The following IGDCC4 variants were observed in gnomAD, a reference collection of about 807,000 sequenced individuals.
IGDCC4 encodes immunoglobulin superfamily DCC subclass member 4, also known as likely ortholog of mouse neighbor of Punc E11.
In IGDCC4, 72 loss-of-function variants were observed where a neutral mutation model predicts 116.6. That is an observed-to-expected ratio of 0.62 (90% CI 0.51 to 0.75). The LOEUF is 0.75. Ranked by LOEUF, IGDCC4 falls within the 30% of genes least tolerant of loss-of-function variation. The probability of loss-of-function intolerance (pLI) is 0.00; values close to 1 mark genes in which losing one functional copy is unlikely to be tolerated. For synonymous variants in IGDCC4, 709 were observed against 719.9 expected (o/e 0.98, Z 0.24); for missense variants, 1,501 against 1,662.4 (o/e 0.90, Z 1.69).
intron 8 of IGDCC4, 58 bp from the exon 9 acceptor site, chr15:65,394,606 G>C: frequency 6.6e-7 from 1 of 1,518,044 alleles, no homozygotes; most frequent in Non-Finnish European, 8.9e-7. Context: ...GGTGAGGCTC[G>C]GGAGCGGTCA....
chr15:65,420,236 C>T lies in IGDCC4; in HGVS notation c.70+2557G>A, dbSNP rs547242637. 3.3e-5 allele frequency among the ~76,000 whole-genome samples: 5 copies of T among 152,300 alleles called. No individual in the cohort carries two copies. In the East Asian group the frequency reaches 7.7e-4, roughly 23 times the overall value. On this transcript the variant is annotated intron_variant, in intron 1 of 19. Coordinates refer to ENST00000352385, the MANE Select transcript of IGDCC4 (RefSeq NM_020962.3). ...TGCTGGGATTACAGGCGTGAGCCAC[C>T]GCACCCGGCCTATTTCTTACTTTCC... is the stretch of plus-strand genomic sequence containing the variant.
chr15:65,382,954 C>T lies in IGDCC4; in HGVS notation c.*1055G>A, dbSNP rs2091414846. The T allele has an allele frequency of 6.6e-6, 1 of 152,272 alleles. No homozygotes were observed. Among genetic ancestry groups the T allele is most frequent in the Non-Finnish European group, 1.5e-5 (1 of 68,050 alleles). 9.4% of individuals were successfully genotyped at this position (152,272 alleles called of 1,614,324 possible). On this transcript the variant is annotated 3_prime_UTR_variant, in exon 20 of 20. Coordinates refer to ENST00000352385, the MANE Select transcript of IGDCC4 (RefSeq NM_020962.3). ...AAACATTCCCCTCTATGACTTGGAT[C>T]CATCCATGGAGAACCCTTGGATCCC...
intron 3 of IGDCC4, among the ~76,000 whole-genome samples, chr15:65,409,748 T>A (rs139111745): frequency 2.6e-5 from 4 of 152,212 alleles, no homozygotes; most frequent in African/African-American, 9.7e-5. Context: ...AGAGAAGTTA[T>A]GCATCTAGAG....
intron 8 of IGDCC4, 33 bp from the exon 9 acceptor site, chr15:65,394,581 TC>T: frequency 1.9e-6 from 3 of 1,554,480 alleles, no homozygotes; most frequent in Non-Finnish European, 2.6e-6. Flanking sequence ...TGAGCTCTGC[TC>T]CACCGACGTG....
chr15:65,404,835 G>A (rs2063025102), intron 3 of IGDCC4, among the ~76,000 whole-genome samples: 1 of 152,180 alleles, frequency 6.6e-6, no homozygotes, highest in South Asian at 2.1e-4. Flanking sequence ...AGGATTGCTT[G>A]AGGCCAGGAG....
chr15:65,386,230 C>T (rs2091457208), intron 17 of IGDCC4, among the ~76,000 whole-genome samples, 171 bp from the exon 18 acceptor site: 1 of 152,236 alleles, frequency 6.6e-6, no homozygotes, highest in Non-Finnish European at 1.5e-5. Context: ...CAGCCTGATG[C>T]TGTAAACAGG....
At position 65,392,212 on chromosome 15, in the gene IGDCC4, C is replaced by A; in HGVS notation, c.2044G>T (p.Gly682Cys). The change falls in exon 11 of 20, where the codon GGC becomes TGC. Residue 682 changes from glycine (G) to cysteine (C), a missense_variant. Physicochemically the swap from Gly to Cys is radical, Grantham distance 159. Coordinates refer to ENST00000352385, the MANE Select transcript of IGDCC4 (RefSeq NM_020962.3). ...EEANGDRLPG[G>C]RGDQAWDVGP... ...ACATCCCAAGCCTGGTCTCCACGGC[C>A]CCCTGGCAGGCGATCGCCATTGGCC... 1 of 1,613,950 alleles carries A rather than the reference C, an allele frequency of 6.2e-7. No homozygotes were observed. Among genetic ancestry groups the A allele is most frequent in the South Asian group, 1.1e-5 (1 of 91,036 alleles).
Position 65,411,192 on chromosome 15 carries a change from G to C in IGDCC4, c.249C>G (p.Asp83Glu). 1 of 1,614,214 alleles carries C rather than the reference G, an allele frequency of 6.2e-7. No homozygotes were observed. Among genetic ancestry groups the C allele is most frequent in the South Asian group, 1.1e-5 (1 of 91,084 alleles). The change falls in exon 2 of 20, where the codon GAC (aspartate) becomes GAG (glutamate). Residue 83 changes from aspartate (D) to glutamate (E), a missense_variant. Coordinates refer to ENST00000352385, the MANE Select transcript of IGDCC4 (RefSeq NM_020962.3). ...SKDGDTLLEH[D>E]HLHLLPNGSL... ...AACCATTGGGCAGCAGGTGTAAGTG[G>C]TCGTGCTCCAGCAGGGTGTCCCCAT... is the stretch of plus-strand genomic sequence containing the variant.
intron 1 of IGDCC4, among the ~76,000 whole-genome samples, chr15:65,418,394 G>A (rs2063162278): frequency 6.6e-6 from 1 of 152,156 alleles, no homozygotes; most frequent in African/African-American, 2.4e-5. Context: ...ACTGGCCAGA[G>A]CTTTGTCCTG....
chr15:65,410,397 C>T lies in IGDCC4; in HGVS notation c.422-78G>A, dbSNP rs1296107417. 9.1e-6 allele frequency: 14 copies of T among 1,543,182 alleles called. No homozygotes were observed. In the African/African-American group the frequency reaches 9.5e-5, roughly 10 times the overall value. ...CACAGCAAGCACAAACAGTGAAACA[C>T]ATCCGCATGGAGACACAGAAACACA... is the stretch of plus-strand genomic sequence containing the variant. On this transcript the variant is annotated intron_variant, in intron 2 of 19. Coordinates refer to ENST00000352385, the MANE Select transcript of IGDCC4 (RefSeq NM_020962.3).
At chr15:65,412,740 C>T (rs1394389043) in intron 1 of IGDCC4, among the ~76,000 whole-genome samples, 1 of 151,950 alleles carries the variant, frequency 6.6e-6, no homozygotes, top group Non-Finnish European at 1.5e-5. Context: ...TGAAACCAGC[C>T]TGGGTAACAC....
In IGDCC4 at chr15:65,383,684, C is replaced by T. The variant is rs1178370376; in HGVS notation, c.*325G>A. The T allele has an allele frequency of 4.1e-6, 1 of 246,486 alleles. No homozygotes were observed. Among genetic ancestry groups the T allele is most frequent in the Non-Finnish European group, 7.7e-6 (1 of 129,066 alleles). 15.3% of individuals were successfully genotyped at this position (246,486 alleles called of 1,614,324 possible). ...GACCACTGTGGGGCACCGTTCTGACCTGGAGGACCAATCAGGCTGTAGTGA... is the reference window on the plus strand; with the variant it reads ...GACCACTGTGGGGCACCGTTCTGACTTGGAGGACCAATCAGGCTGTAGTGA... On this transcript the variant is annotated 3_prime_UTR_variant, in exon 20 of 20. Transcript: ENST00000352385.
chr15:65,384,269 C>G lies in IGDCC4; in HGVS notation c.3493G>C (p.Asp1165His), dbSNP rs1369371526. ...GGATCCCCAACACCCGAGATGAGAT[C>G]AGGAGCCTCTGGAGGCAGGGGGTCC... ...PEDPLPPEAP[D>H]LISGVGDPGQ... The change falls in exon 20 of 20, where the codon GAT (aspartate) becomes CAT (histidine). Residue 1165 changes from aspartate (D) to histidine (H), a missense_variant. By Grantham distance (81) the Asp-to-His change is moderately conservative. Coordinates refer to ENST00000352385, the MANE Select transcript of IGDCC4 (RefSeq NM_020962.3). The surrounding 1 kb of genome is among the most constrained non-coding windows in gnomAD (Gnocchi z 4.9). The G allele has an allele frequency of 1.2e-6, 2 of 1,606,344 alleles. No individual in the cohort carries two copies. The highest frequency in any genetic ancestry group is 2.7e-5 in the African/African-American group (2 of 74,704).
In IGDCC4 at chr15:65,410,218, T is replaced by A; in HGVS notation, c.523A>T (p.Thr175Ser). Reference sequence around the variant, plus strand: ...AATGTCACCTGGTCCTTCTCCCAAGTAATGATGGGAGCTGGCAGCCCTTCA... The same window carrying A: ...AATGTCACCTGGTCCTTCTCCCAAGAAATGATGGGAGCTGGCAGCCCTTCA... ...HIEGLPAPIITWEKDQVTLPE... is the reference protein window; with the variant it reads ...HIEGLPAPIISWEKDQVTLPE... The change falls in exon 3 of 20, where the codon ACT becomes TCT. Residue 175 changes from threonine to serine, a missense_variant. This residue lies in a region of IGDCC4 where 898 missense variants were observed against 978.9 expected (regional missense o/e 0.92). Transcript: ENST00000352385. 6.2e-7 allele frequency: 1 copy of A among 1,613,788 alleles called. No individual in the cohort carries two copies. The highest frequency in any genetic ancestry group is 2.2e-5 in the East Asian group (1 of 44,870).
chr15:65,416,063 T>C (rs1185981933), intron 1 of IGDCC4, among the ~76,000 whole-genome samples: 1 of 151,844 alleles, frequency 6.6e-6, no homozygotes, highest in Non-Finnish European at 1.5e-5. Flanking sequence ...TTCTCAAACG[T>C]TTTCACCCAA....
chr15:65,386,114 G>A (rs2091456145), intron 17 of IGDCC4, 55 bp from the exon 18 acceptor site: 1 of 1,160,172 alleles, frequency 8.6e-7, no homozygotes, highest in African/African-American at 1.6e-5. Context: ...GGTCAGGCGG[G>A]GCTGGGATCT....
Position 65,383,924 on chromosome 15 carries a change from C to A in IGDCC4, c.*85G>T. On this transcript the variant is annotated 3_prime_UTR_variant, in exon 20 of 20. Coordinates refer to ENST00000352385, the MANE Select transcript of IGDCC4 (RefSeq NM_020962.3). Reference sequence around the variant, plus strand: ...AAGGGCTTGATGATGTATCTACAGGCACACATGTGGACATACACGGCCACA... The same window carrying A: ...AAGGGCTTGATGATGTATCTACAGGAACACATGTGGACATACACGGCCACA... 2 of 1,286,698 alleles carry A rather than the reference C, an allele frequency of 1.6e-6. No homozygotes were observed. The allele number at this position is 1,286,698 out of a possible 1,614,324, so 79.7% of individuals were successfully genotyped here. A position where few individuals can be genotyped will look rare whatever the true frequency, so the allele number is the denominator to read the frequency against.
intron 3 of IGDCC4, among the ~76,000 whole-genome samples, chr15:65,402,698 T>C (rs2063000952): frequency 6.6e-6 from 1 of 152,122 alleles, no homozygotes; most frequent in Non-Finnish European, 1.5e-5. Flanking sequence ...AGAAACCCCG[T>C]CTCTACTAAA....
intron 1 of IGDCC4, among the ~76,000 whole-genome samples, chr15:65,411,741 A>G (rs1404403352): frequency 6.6e-6 from 1 of 152,196 alleles, no homozygotes; most frequent in Non-Finnish European, 1.5e-5. Flanking sequence ...AAGATGCCAC[A>G]TTTTGCATGA....
Sources: gnomAD v4.1 joint callset for allele counts (sites outside exome capture counted in the v4.1 genomes callset) on GRCh38, gnomAD v4.1.1 for gene constraint, gnomAD v4.1.1 regional missense constraint, Gnocchi (gnomAD v3.1) non-coding constraint, MANE v1.5 for transcripts, NCBI Gene and HGNC (gene_info 2026-07-23, HGNC 2026-07-21) for gene names.